SLC24A4: variants seen among roughly 807,000 people sequenced by gnomAD.
SLC24A4 encodes sodium/potassium/calcium exchanger 4.
In SLC24A4, 53 loss-of-function variants were observed where a neutral mutation model predicts 79.0. The observed-to-expected ratio is 0.67, with a 90% CI of 0.54 to 0.84. SLC24A4 has a LOEUF of 0.84. SLC24A4 is among the 40% of genes least tolerant of loss of function. SLC24A4 has a pLI of 0.00. For synonymous variants in SLC24A4, 323 were observed against 323.8 expected (o/e 1.00, Z 0.03); for missense variants, 731 against 822.0 (o/e 0.89, Z 1.35).
At chr14:92,326,590 C>T (rs1397950348) in intron 2 of SLC24A4, among the ~76,000 whole-genome samples, 1 of 152,150 alleles carries the variant, frequency 6.6e-6, no homozygotes, top group African/African-American at 2.4e-5. Flanking sequence ...TGTTCTCCTG[C>T]CACAGACAGG....
chr14:92,415,325 G>A (rs1168422922), intron 2 of SLC24A4, among the ~76,000 whole-genome samples: 3 of 152,244 alleles, frequency 2.0e-5, no homozygotes, highest in African/African-American at 7.2e-5. Context: ...GTCAGCGTGG[G>A]AAGTTTGACC....
chr14:92,337,602 G>T (rs951631123), intron 2 of SLC24A4, among the ~76,000 whole-genome samples: 3 of 152,200 alleles, frequency 2.0e-5, no homozygotes, highest in Non-Finnish European at 4.4e-5. Flanking sequence ...TCCTGCCCTT[G>T]CTGTATTTCT....
At chr14:92,393,980 C>T (rs149037491) in intron 2 of SLC24A4, among the ~76,000 whole-genome samples, 4 of 151,848 alleles carry the variant, frequency 2.6e-5, no homozygotes, top group African/African-American at 9.6e-5. Flanking sequence ...CACTGCACTC[C>T]ATCCTGTGTG....
intron 2 of SLC24A4, among the ~76,000 whole-genome samples, chr14:92,385,858 T>G (rs1010473782): frequency 6.6e-6 from 1 of 152,162 alleles, no homozygotes; most frequent in African/African-American, 2.4e-5. Context: ...ATGCTCTTCT[T>G]GAATTTGATG....
At chr14:92,340,194 C>G (rs1042540037) in intron 2 of SLC24A4, among the ~76,000 whole-genome samples, 1 of 152,222 alleles carries the variant, frequency 6.6e-6, no homozygotes, top group Admixed American at 6.5e-5. Flanking sequence ...AAAGTATGCA[C>G]CCAGCAGGCA....
At chr14:92,367,210 A>G (rs72695103) in intron 2 of SLC24A4, among the ~76,000 whole-genome samples, 10,542 of 152,298 alleles carry the variant, frequency 0.069, 463 homozygotes, top group Admixed American at 0.093. Flanking sequence ...TGTGTCCAAC[A>G]TGCCGGCCTG....
intron 13 of SLC24A4, among the ~76,000 whole-genome samples, chr14:92,485,822 C>T (rs1895322215): frequency 6.6e-6 from 1 of 152,194 alleles, no homozygotes; most frequent in African/African-American, 2.4e-5. Flanking sequence ...CAACCCCCAC[C>T]ACCTTGAGGT....
At chr14:92,397,469 CT>C (rs1286814787) in intron 2 of SLC24A4, among the ~76,000 whole-genome samples, 1 of 151,774 alleles carries the variant, frequency 6.6e-6, no homozygotes, top group Non-Finnish European at 1.5e-5. Flanking sequence ...GCCCAGTGCT[CT>C]TTCCCCTGTT....
intron 16 of SLC24A4, 82 bp from the exon 17 acceptor site, chr14:92,493,394 C>T (rs1895806030): frequency 6.6e-7 from 1 of 1,525,410 alleles, no homozygotes; most frequent in Admixed American, 1.8e-5. Flanking sequence ...TAGGTTTCCC[C>T]ACATAGGTGT....
chr14:92,344,454 G>T (rs1886407492), intron 2 of SLC24A4, among the ~76,000 whole-genome samples: 1 of 152,260 alleles, frequency 6.6e-6, no homozygotes, highest in African/African-American at 2.4e-5. Flanking sequence ...GTAGTGTTAA[G>T]TGAGGGGGAC....
In SLC24A4 at chr14:92,495,107, T is replaced by C. The variant is rs535474139; in HGVS notation, c.*1479T>C. The C allele has an allele frequency of 1.3e-5, 2 of 152,498 alleles. No homozygotes were observed. Among genetic ancestry groups the C allele is most frequent in the African/African-American group, 4.8e-5 (2 of 41,354 alleles). 9.4% of individuals were successfully genotyped at this position (152,498 alleles called of 1,614,324 possible). A position where few individuals can be genotyped will look rare whatever the true frequency, so the allele number is the denominator to read the frequency against. On this transcript the variant is annotated 3_prime_UTR_variant, in exon 17 of 17. Transcript: ENST00000532405. ...ATGATGATGTAAGAGGAAAGAACATTTTTTTGTGATTCACCAGACATCACT... is the reference window on the plus strand; with the variant it reads ...ATGATGATGTAAGAGGAAAGAACATCTTTTTGTGATTCACCAGACATCACT...
At chr14:92,384,913 A>C (rs1239534955) in intron 2 of SLC24A4, among the ~76,000 whole-genome samples, 1 of 152,168 alleles carries the variant, frequency 6.6e-6, no homozygotes, top group Non-Finnish European at 1.5e-5. Context: ...GCCCTTGCTC[A>C]CACTAGCTGT....
At chr14:92,487,599 G>T (rs994182034) in intron 14 of SLC24A4, among the ~76,000 whole-genome samples, 2 of 152,188 alleles carry the variant, frequency 1.3e-5, no homozygotes, top group African/African-American at 4.8e-5. Context: ...ACGTTTGCTG[G>T]TCGGCAGGGC....
At position 92,447,446 on chromosome 14, in the gene SLC24A4, C is replaced by A. The variant is rs60928101; in HGVS notation, c.737+22C>A. The stretch of plus-strand genomic sequence containing the variant: ...TGAAGTAAGTGCCCTTTCTCCTCCC[C>A]GGGGCTGCCGACGCCTTGCCCCACT... On this transcript the variant is annotated intron_variant, in intron 9 of 16. Coordinates refer to ENST00000532405, the MANE Select transcript of SLC24A4 (RefSeq NM_153646.4). 11 of 1,611,650 alleles carry A rather than the reference C, an allele frequency of 6.8e-6. No homozygotes were observed. The East Asian group carries it at 2.2e-4, about 33-fold the overall frequency.
chr14:92,389,429 T>C (rs1483789518), intron 2 of SLC24A4, among the ~76,000 whole-genome samples: 1 of 152,166 alleles, frequency 6.6e-6, no homozygotes, highest in Non-Finnish European at 1.5e-5. Context: ...AAACCACCGT[T>C]CTTCCCCATG....
At position 92,442,815 on chromosome 14, in the gene SLC24A4, A is replaced by G. The variant is rs145888814; in HGVS notation, c.581A>G (p.Gln194Arg). Residue 194 changes from glutamine (Q) to arginine (R), a missense_variant and splice_region_variant, in exon 6 of 17, where the codon CAG (glutamine) becomes CGG (arginine). Coordinates refer to ENST00000532405, the MANE Select transcript of SLC24A4 (RefSeq NM_153646.4). Reference sequence around the variant, plus strand: ...GGAGTGTGCGGACTGTTTGCTGGCCAGGTCAGTGGTTTCTCCCTGGGCCCG... The same window carrying G: ...GGAGTGTGCGGACTGTTTGCTGGCCGGGTCAGTGGTTTCTCCCTGGGCCCG... Reference protein sequence around the residue: ...IIGVCGLFAGQVVRLTWWAVC... With the variant: ...IIGVCGLFAGRVVRLTWWAVC... The G allele has an allele frequency of 1.4e-5, 22 of 1,613,474 alleles. No homozygotes were observed. Among genetic ancestry groups the G allele is most frequent in the Non-Finnish European group, 1.9e-5 (22 of 1,179,564 alleles).
At position 92,500,004 on chromosome 14, in the gene SLC24A4, TA is replaced by T. The variant is rs1354847079; in HGVS notation, c.*6378del. The T allele has an allele frequency of 6.6e-6, 1 of 152,146 alleles. No individual in the cohort carries two copies. Among genetic ancestry groups the T allele is most frequent in the Non-Finnish European group, 1.5e-5 (1 of 68,126 alleles). The allele number at this position is 152,146 out of a possible 1,614,324, so 9.4% of individuals were successfully genotyped here. A position where few individuals can be genotyped will look rare whatever the true frequency, so the allele number is the denominator to read the frequency against. Reference sequence around the variant, plus strand: ...ACAGGCGCCTGCCACCACACCCAGCTAATTTTTTGTATTTTTGGTACAGACA... The same window carrying T: ...ACAGGCGCCTGCCACCACACCCAGCTATTTTTTGTATTTTTGGTACAGACA... On this transcript the variant is annotated 3_prime_UTR_variant, in exon 17 of 17. Transcript: ENST00000532405.
At chr14:92,470,583 A>C (rs1307979717) in intron 12 of SLC24A4, among the ~76,000 whole-genome samples, 1 of 149,462 alleles carries the variant, frequency 6.7e-6, no homozygotes, top group Admixed American at 6.6e-5. Flanking sequence ...GAAATCTGAG[A>C]GCTTAGTGAA....
intron 9 of SLC24A4, among the ~76,000 whole-genome samples, chr14:92,448,392 A>G (rs568885962): frequency 6.6e-6 from 1 of 151,636 alleles, no homozygotes; most frequent in South Asian, 2.1e-4. Flanking sequence ...ATCCCTACTC[A>G]TGAGCTGAGC....
Sources: allele counts gnomAD v4.1 joint callset (sites outside exome capture counted in the v4.1 genomes callset), GRCh38; gene constraint gnomAD v4.1.1; transcripts MANE v1.5; gene names NCBI Gene and HGNC (gene_info 2026-07-23, HGNC 2026-07-21).